IST1: variants seen among roughly 807,000 people sequenced by gnomAD.
The protein encoded by IST1 is IST1 homolog.
IST1 carries 23 observed loss-of-function variants against 37.0 expected under a neutral mutation model. The ratio of observed to expected loss-of-function variants is 0.62; its 90% CI spans 0.45 to 0.88. The LOEUF (loss-of-function observed/expected upper bound fraction) is 0.88, where lower values mean the gene tolerates loss of function less well. Among genes scored for constraint, IST1 ranks in the 40% least tolerant of loss-of-function variants. The pLI is 0.00. For synonymous variants in IST1, 180 were observed against 161.7 expected (o/e 1.11, Z -0.86); for missense variants, 488 against 445.4 (o/e 1.10, Z -0.86).
intron 1 of IST1, among the ~76,000 whole-genome samples, chr16:71,896,202 C>A (rs12927044): frequency 0.069 from 10,568 of 152,092 alleles, 503 homozygotes; most frequent in Middle Eastern, 0.13. Flanking sequence ...TTGGAAGGAT[C>A]CTTGCGCCTC....
At chr16:71,896,852 C>T (rs1308195453) in intron 1 of IST1, among the ~76,000 whole-genome samples, 3 of 151,942 alleles carry the variant, frequency 2.0e-5, no homozygotes, top group Non-Finnish European at 4.4e-5. Flanking sequence ...AGGCCCGCAT[C>T]TATAGTCCAG....
chr16:71,895,555 C>G lies in IST1; in HGVS notation c.-50C>G, dbSNP rs572407011. 2 of 985,512 alleles carry G rather than the reference C, an allele frequency of 2.0e-6. No homozygotes were observed. Among genetic ancestry groups the G allele is most frequent in the African/African-American group, 1.7e-5 (1 of 57,236 alleles). The allele number at this position is 985,512 out of a possible 1,614,324, so 61.0% of individuals were successfully genotyped here. A position where few individuals can be genotyped will look rare whatever the true frequency, so the allele number is the denominator to read the frequency against. Reference sequence around the variant, plus strand: ...CATTTTGGATGGTGAACCCTGAAGTCGGTGTCTGCTGCGTTCACGGCAGGA... The same window carrying G: ...CATTTTGGATGGTGAACCCTGAAGTGGGTGTCTGCTGCGTTCACGGCAGGA... On this transcript the variant is annotated 5_prime_UTR_variant, in exon 1 of 10. Coordinates refer to ENST00000378799, the MANE Select transcript of IST1 (RefSeq NM_001270975.2).
chr16:71,901,476 G>T (rs1046354366), intron 1 of IST1, among the ~76,000 whole-genome samples: 1 of 152,212 alleles, frequency 6.6e-6, no homozygotes, highest in Admixed American at 6.5e-5. Flanking sequence ...GCCTCCCAAA[G>T]TGCTGGGATT....
At chr16:71,927,445 G>A (rs1472548337) in intron 9 of IST1, among the ~76,000 whole-genome samples, 169 bp from the exon 10 acceptor site, 4 of 149,664 alleles carry the variant, frequency 2.7e-5, no homozygotes, top group African/African-American at 9.9e-5. Context: ...CTGAGATCAC[G>A]CCAACTGCAC....
chr16:71,903,654 C>G (rs918111428), intron 1 of IST1: 1 of 152,230 alleles, frequency 6.6e-6, no homozygotes, highest in African/African-American at 2.4e-5. Context: ...CTACCTCAGC[C>G]TCTCAAGTAG....
chr16:71,902,496 T>C (rs1228691036), intron 1 of IST1, among the ~76,000 whole-genome samples: 3 of 152,308 alleles, frequency 2.0e-5, no homozygotes, highest in African/African-American at 7.2e-5. Flanking sequence ...TTTCGAACTC[T>C]TGACCACAAG....
intron 1 of IST1, 104 bp downstream of exon 1, chr16:71,895,693 C>T (rs2036949667): frequency 3.2e-6 from 1 of 311,170 alleles, no homozygotes; most frequent in Non-Finnish European, 4.7e-6. Context: ...ATTCAAACGA[C>T]TTCGGAGGGG....
intron 1 of IST1, among the ~76,000 whole-genome samples, chr16:71,901,983 A>C (rs771199878): frequency 3.3e-5 from 5 of 152,234 alleles, no homozygotes; most frequent in Non-Finnish European, 5.9e-5. Context: ...ATTTTAACAT[A>C]AAACACACAA....
At chr16:71,900,327 C>CTTTTTTTTTTTTTTTT (rs201344260) in intron 1 of IST1, among the ~76,000 whole-genome samples, 1 of 100,468 alleles carries the variant, frequency 1.0e-5, no homozygotes, top group Non-Finnish European at 1.8e-5. Flanking sequence ...CTTAGGAAGT[C>CTTTTTTTTTTTTTTTT]TTTTTTTTTT....
chr16:71,923,986 T>C, intron 8 of IST1: 1 of 385,732 alleles, frequency 2.6e-6, no homozygotes, highest in South Asian at 1.9e-5. Flanking sequence ...AGTATTTTAC[T>C]GAGAAACAAA....
At chr16:71,903,705 A>T (rs905475105) in intron 1 of IST1, 2 of 152,026 alleles carry the variant, frequency 1.3e-5, no homozygotes, top group Non-Finnish European at 2.9e-5. Context: ...GGTCCTATTT[A>T]ATTTGTTAAG....
In IST1 at chr16:71,901,009, G is replaced by A. The variant is rs540391106; in HGVS notation, c.-16+5420G>A. ...ACTGGACAATGTTAGTATGTGATGT[G>A]TATATAATCACATATGTATAAAAAT... On this transcript the variant is annotated intron_variant, in intron 1 of 9. Transcript: ENST00000378799. Among the ~76,000 whole-genome samples the A allele has an allele frequency of 3.9e-5, 6 of 152,236 alleles. No individual in the cohort carries two copies. The South Asian group carries it at 1.2e-3, about 32-fold the overall frequency.
chr16:71,915,506 G>A, intron 1 of IST1, 120 bp from the exon 2 acceptor site: 1 of 630,380 alleles, frequency 1.6e-6, no homozygotes, highest in Non-Finnish European at 2.7e-6. Flanking sequence ...ATTAGATCAT[G>A]TCATTTTCCT....
chr16:71,894,714 T>TTTG (rs1426862213), upstream of IST1: 1 of 580,544 alleles, frequency 1.7e-6, no homozygotes, highest in African/African-American at 1.9e-5. Flanking sequence ...TTTTTTTTTT[T>TTTG]TTGTAGCGAT....
At chr16:71,905,347 T>A (rs758273819) in intron 1 of IST1, among the ~76,000 whole-genome samples, 24 of 151,178 alleles carry the variant, frequency 1.6e-4, no homozygotes, top group Non-Finnish European at 2.8e-4. Flanking sequence ...TACAATTTTT[T>A]AGTGGTTGCT....
chr16:71,920,053 T>C (rs2037545902), intron 4 of IST1, among the ~76,000 whole-genome samples: 1 of 152,218 alleles, frequency 6.6e-6, no homozygotes, highest in African/African-American at 2.4e-5. Context: ...CCTGATTCCA[T>C]TGGCTGGAAC....
chr16:71,904,238 C>T (rs1386200752), intron 1 of IST1, among the ~76,000 whole-genome samples: 1 of 152,204 alleles, frequency 6.6e-6, no homozygotes, highest in Non-Finnish European at 1.5e-5. Context: ...ATTTTCCTGC[C>T]TCAGCCTCCC....
intron 4 of IST1, among the ~76,000 whole-genome samples, chr16:71,920,418 A>G (rs749472065): frequency 9.2e-5 from 13 of 141,612 alleles, no homozygotes; most frequent in Non-Finnish European, 1.6e-4. Context: ...TTCTTTAACA[A>G]GGGAAATTTT....
At chr16:71,910,925 T>C (rs1245447311) in intron 1 of IST1, among the ~76,000 whole-genome samples, 3 of 152,160 alleles carry the variant, frequency 2.0e-5, no homozygotes, top group Non-Finnish European at 4.4e-5. Flanking sequence ...TGCATTTATA[T>C]ATGTGTATAA....
Sources: gnomAD v4.1 joint callset for allele counts (sites outside exome capture counted in the v4.1 genomes callset) on GRCh38, gnomAD v4.1.1 for gene constraint, MANE v1.5 for transcripts, NCBI Gene and HGNC (gene_info 2026-07-23, HGNC 2026-07-21) for gene names.